The following DGKZ variants were observed in gnomAD, a reference collection of about 807,000 sequenced individuals.
DGKZ encodes the protein DAG kinase zeta.
Under a neutral mutation model 142.5 loss-of-function variants are expected in DGKZ, and 45 were observed. That is an observed-to-expected ratio of 0.32 (90% CI 0.25 to 0.40). The LOEUF is 0.40. DGKZ is among the 10% of genes least tolerant of loss of function. The pLI, the probability that DGKZ is intolerant of heterozygous loss-of-function variation, is 1.00. For missense variants in DGKZ, 755 were observed against 1,306.5 expected (o/e 0.58, Z 6.51); for synonymous variants, 442 against 527.0 (o/e 0.84, Z 2.21).
rs1400026703 is a variant in DGKZ at position 46,379,453 on chromosome 11, G to C, written c.2574-1G>C. 1 of 1,604,206 alleles carries C rather than the reference G, an allele frequency of 6.2e-7. No homozygotes were observed. The highest frequency in any genetic ancestry group is 1.1e-5 in the South Asian group (1 of 89,822). ...GGGGACGGGATGGGGTACACAGCCA[G>C]CCCCTGCTCCCCCAGCGGGGAGACC... On this transcript the variant is annotated splice_acceptor_variant, in intron 29 of 30. Coordinates refer to ENST00000527911, the Ensembl canonical transcript of DGKZ. LOFTEE classifies it high-confidence loss of function.
chr11:46,351,269 T>C (rs1417584925), intron 1 of DGKZ, among the ~76,000 whole-genome samples: 1 of 152,120 alleles, frequency 6.6e-6, no homozygotes, highest in African/African-American at 2.4e-5. Flanking sequence ...ACCTCACACA[T>C]GTAGACATAA....
At chr11:46,364,460 G>C in intron 1 of DGKZ, 1 of 1,273,056 alleles carries the variant, frequency 7.9e-7, no homozygotes, top group Non-Finnish European at 1.0e-6. Context: ...AGCTCCCTCC[G>C]GCCCAGGTGG....
At chr11:46,352,194 C>G (rs927895263) in intron 1 of DGKZ, among the ~76,000 whole-genome samples, 1 of 152,238 alleles carries the variant, frequency 6.6e-6, no homozygotes, top group Non-Finnish European at 1.5e-5. Flanking sequence ...GCGGGCCCCT[C>G]GGAGAAGCAG....
At chr11:46,379,534 A>T (rs757831754) in exon 30 of DGKZ, 2 of 1,611,614 alleles carry the variant, frequency 1.2e-6, no homozygotes, top group Non-Finnish European at 1.7e-6. Context: ...TACATCGTGG[A>T]GGCCGGGGCC....
intron 1 of DGKZ, chr11:46,366,085 T>G: frequency 1.0e-6 from 1 of 985,382 alleles, no homozygotes. Flanking sequence ...GACCCCTCCC[T>G]CCCTCAGGGG....
At chr11:46,339,453 G>A (rs746106348) in intron 1 of DGKZ, among the ~76,000 whole-genome samples, 7 of 152,328 alleles carry the variant, frequency 4.6e-5, no homozygotes, top group South Asian at 2.1e-4. Context: ...GGCCCAGCCC[G>A]GAACTCCTTC....
chr11:46,352,653 C>T (rs1012642561), intron 1 of DGKZ, among the ~76,000 whole-genome samples: 5 of 152,240 alleles, frequency 3.3e-5, no homozygotes, highest in African/African-American at 1.2e-4. Flanking sequence ...TCCCTGCCCC[C>T]TCTGCCTCCT....
intron 29 of DGKZ, 59 bp downstream of exon 29, chr11:46,379,295 C>A (rs1944939296): frequency 1.9e-6 from 3 of 1,605,730 alleles, no homozygotes. Context: ...TTTCCCCACC[C>A]CTCCCATTTT....
intron 19 of DGKZ, 110 bp downstream of exon 19, chr11:46,375,155 T>C: frequency 9.4e-7 from 1 of 1,062,310 alleles, no homozygotes. Context: ...TCACCTCCCT[T>C]CTTTGTCTCA....
chr11:46,366,501 GC>G, intron 1 of DGKZ: 1 of 1,584,672 alleles, frequency 6.3e-7, no homozygotes, highest in Non-Finnish European at 8.6e-7. Flanking sequence ...CCCCCTTCCT[GC>G]AACCCCCGCT....
exon 31 of DGKZ, chr11:46,380,169 C>T: frequency 1.9e-6 from 1 of 534,780 alleles, no homozygotes. Flanking sequence ...CCCGGAGGCT[C>T]ACAGGGAACA....
At chr11:46,342,472 C>G (rs1940326836), upstream of DGKZ, among the ~76,000 whole-genome samples, 1 of 152,220 alleles carries the variant, frequency 6.6e-6, no homozygotes, top group African/African-American at 2.4e-5. Flanking sequence ...AGCCCCATTT[C>G]CTCTGTTTAA....
At chr11:46,378,105 T>G in intron 25 of DGKZ, 93 bp from the exon 26 acceptor site, 1 of 1,485,652 alleles carries the variant, frequency 6.7e-7, no homozygotes, top group Non-Finnish European at 9.2e-7. Flanking sequence ...CAATAAACTG[T>G]GGAAAGGATG....
At chr11:46,368,142 C>A in intron 4 of DGKZ, 63 bp downstream of exon 4, 1 of 1,526,624 alleles carries the variant, frequency 6.6e-7, no homozygotes, top group Non-Finnish European at 9.1e-7. Flanking sequence ...TTTCAGCGCG[C>A]ACTCACACCC....
rs1554957584 is a variant in DGKZ, at chr11:46,373,291, T to TTG, written c.1326+191_1326+192insGT. Among the ~76,000 whole-genome samples the TTG allele has an allele frequency of 7.6e-3, 1,076 of 141,678 alleles. 11 individuals carry two copies. The highest frequency in any genetic ancestry group is 0.027 in the African/African-American group (1,036 of 37,700). The allele number at this position is 141,678 out of a possible 152,430, so 92.9% of individuals were successfully genotyped here. On this transcript the variant is annotated intron_variant, in intron 14 of 30. Transcript: ENST00000527911. ...TTTTCTGTGTTTTTTTTTTGTTTTTTTTTTTTTTTTTTTGAGACTGAGTCT... is the reference window on the plus strand; with the variant it reads ...TTTTCTGTGTTTTTTTTTTGTTTTTTTGTTTTTTTTTTTTTGAGACTGAGTCT...
chr11:46,340,031 G>C (rs1940201168), intron 1 of DGKZ, among the ~76,000 whole-genome samples: 1 of 152,228 alleles, frequency 6.6e-6, no homozygotes, highest in Non-Finnish European at 1.5e-5. Context: ...CAGTGCTTTG[G>C]AGGCCACTGG....
rs1017371216 is a variant in DGKZ at position 46,347,704 on chromosome 11, C to G, written c.45C>G (p.Ser15=). The G allele has an allele frequency of 4.1e-6, 6 of 1,459,314 alleles. No homozygotes were observed. The highest frequency in any genetic ancestry group is 2.4e-4 in the Middle Eastern group (1 of 4,142). 90.4% of individuals were successfully genotyped at this position (1,459,314 alleles called of 1,614,324 possible). Residue 15 remains serine, a synonymous_variant, in exon 1 of 31, where the codon TCC becomes TCG. Transcript: ENST00000527911. The surrounding 1 kb of genome is among the most constrained non-coding windows in gnomAD (Gnocchi z 6.4). ...GCCCCGAGGCCCGGAGCAGCGACTC[C>G]GAGTCGGCTTCCGCCTCGTCCAGCG...
At chr11:46,368,497 G>T in intron 4 of DGKZ, 2 of 349,218 alleles carry the variant, frequency 5.7e-6, no homozygotes, top group Non-Finnish European at 1.1e-5. Flanking sequence ...CTGGGGGCAT[G>T]TCTGGGCACT....
At chr11:46,377,091 A>G in exon 25 of DGKZ, 1 of 1,613,134 alleles carries the variant, frequency 6.2e-7, no homozygotes, top group African/African-American at 1.3e-5. Context: ...CAACTATGTG[A>G]CTGAGATCGC....
Sources: allele counts gnomAD v4.1 joint callset (sites outside exome capture counted in the v4.1 genomes callset), GRCh38; gene constraint gnomAD v4.1.1; non-coding constraint Gnocchi (gnomAD v3.1); transcripts MANE v1.5; gene names NCBI Gene and HGNC (gene_info 2026-07-23, HGNC 2026-07-21).